Variants in BAZ2B observed in about 807,000 individuals in gnomAD.
BAZ2B encodes the protein bromodomain adjacent to zinc finger domain protein 2B.
A neutral mutation model predicts 246.0 loss-of-function variants in BAZ2B; 91 were observed. The ratio of observed to expected loss-of-function variants is 0.37; its 90% confidence interval spans 0.31 to 0.44. The LOEUF (loss-of-function observed/expected upper bound fraction) is 0.44, where lower values mean the gene tolerates loss of function less well. BAZ2B is among the 20% of genes least tolerant of loss of function. The probability of loss-of-function intolerance (pLI) is 1.00; values close to 1 mark genes in which losing one functional copy is unlikely to be tolerated. For synonymous variants in BAZ2B, 855 were observed against 860.0 expected, an observed-to-expected ratio of 0.99 and a Z score of 0.10; for missense variants, 2,332 against 2,533.7, an observed-to-expected ratio of 0.92 and a Z score of 1.71.
At chr2:159,592,619 C>T (rs2151709383) in intron 1 of BAZ2B, among the ~76,000 whole-genome samples, 1 of 152,350 alleles carries the variant, frequency 6.6e-6, no homozygotes, top group South Asian at 2.1e-4. Context: ...ATGTCAGACA[C>T]AGCACCATGG....
chr2:159,483,993 G>A (rs548161606), intron 2 of BAZ2B, among the ~76,000 whole-genome samples: 17 of 152,248 alleles, frequency 1.1e-4, no homozygotes, highest in African/African-American at 3.9e-4. Flanking sequence ...GTAGCCTAAA[G>A]CAGTGATTTT....
intron 31 of BAZ2B, among the ~76,000 whole-genome samples, chr2:159,343,759 G>A (rs895137986): frequency 7.9e-5 from 12 of 152,178 alleles, no homozygotes; most frequent in African/African-American, 2.7e-4. Flanking sequence ...GGGCGCCGTG[G>A]CTCACATCTG....
Position 159,550,047 on chromosome 2 carries a change from A to C in BAZ2B, c.-3+5776T>G, listed in dbSNP as rs576917529. Among the ~76,000 whole-genome samples, 6 of 151,428 alleles carry C rather than the reference A, an allele frequency of 4.0e-5. No homozygotes were observed. The South Asian group carries it at 1.3e-3, about 32-fold the overall frequency. On this transcript the variant is annotated intron_variant, in intron 2 of 36. Transcript: ENST00000392783. ...CCATGTCGGCCAAGCTGGTCTCAAA[A>C]CTCCAGACAAGTGATCTGCCCACCT...
At chr2:159,509,487 G>C (rs930368669) in intron 2 of BAZ2B, among the ~76,000 whole-genome samples, 1 of 152,104 alleles carries the variant, frequency 6.6e-6, no homozygotes, top group South Asian at 2.1e-4. Context: ...TAACACATAT[G>C]GCTTTTTTCC....
chr2:159,535,774 A>G (rs569680606), intron 2 of BAZ2B, among the ~76,000 whole-genome samples: 1 of 152,322 alleles, frequency 6.6e-6, no homozygotes, highest in African/African-American at 2.4e-5. Flanking sequence ...ACATTTTACT[A>G]AAATAAAATC....
the BAZ2B span, among the ~76,000 whole-genome samples, chr2:159,686,386 C>G: frequency 6.6e-6 from 1 of 152,212 alleles, no homozygotes; most frequent in South Asian, 2.1e-4. Flanking sequence ...TACTTTGCCT[C>G]TGCGGTATTA....
chr2:159,473,400 G>C (rs184762951), intron 3 of BAZ2B, among the ~76,000 whole-genome samples: 2 of 152,210 alleles, frequency 1.3e-5, no homozygotes, highest in East Asian at 3.9e-4. Flanking sequence ...TATTTCTGTG[G>C]GATCAGTGGT....
intron 1 of BAZ2B, among the ~76,000 whole-genome samples, chr2:159,559,481 G>A (rs1488899557): frequency 6.6e-6 from 1 of 152,078 alleles, no homozygotes; most frequent in Non-Finnish European, 1.5e-5. Flanking sequence ...TTCTAACTAT[G>A]CATATCTGAA....
chr2:159,551,196 A>G lies in BAZ2B; in HGVS notation c.-3+4627T>C, dbSNP rs188995559. ...TTATTTAAAAGGTTGCCGGCCGGGC[A>G]CGGTGGCTCACGCCTATAATCCCAG... On this transcript the variant is annotated intron_variant, in intron 2 of 36. Coordinates refer to ENST00000392783, the MANE Select transcript of BAZ2B (RefSeq NM_013450.4). Among the ~76,000 whole-genome samples, 1,453 of 152,144 alleles carry G rather than the reference A, an allele frequency of 9.6e-3. 24 individuals are homozygous for G. Among genetic ancestry groups the G allele is most frequent in the African/African-American group, 0.029 (1,187 of 41,524 alleles).
the BAZ2B span, among the ~76,000 whole-genome samples, chr2:159,645,696 C>T: frequency 6.6e-6 from 1 of 151,974 alleles, no homozygotes; most frequent in African/African-American, 2.4e-5. Flanking sequence ...AAGCATCAGC[C>T]AGGTTGAAAA....
chr2:159,589,809 A>G (rs1688876916), intron 1 of BAZ2B, among the ~76,000 whole-genome samples: 1 of 152,204 alleles, frequency 6.6e-6, no homozygotes, highest in Non-Finnish European at 1.5e-5. Flanking sequence ...AAATAGTTCT[A>G]AGACCATCAA....
the BAZ2B span, among the ~76,000 whole-genome samples, chr2:159,663,744 C>T: frequency 6.6e-6 from 1 of 151,548 alleles, no homozygotes; most frequent in Admixed American, 6.6e-5. Context: ...GTCTTGAACT[C>T]CTGACCTCGT....
At chr2:159,342,637 A>T (rs907311846) in intron 31 of BAZ2B, among the ~76,000 whole-genome samples, 1 of 152,198 alleles carries the variant, frequency 6.6e-6, no homozygotes, top group African/African-American at 2.4e-5. Flanking sequence ...AGAAATCAAG[A>T]AGGCAATCCC....
intron 1 of BAZ2B, among the ~76,000 whole-genome samples, chr2:159,601,949 TG>T: frequency 6.6e-6 from 1 of 152,308 alleles, no homozygotes; most frequent in African/African-American, 2.4e-5. Context: ...AAATTATCTT[TG>T]TTTGTATATG....
rs777409458 is a variant in BAZ2B, at chr2:159,347,534, C to T, written c.5406G>A (p.Gln1802=). ...CAACTCTCCTTTCTAGATCTTCTACCTGTTGAAGGACACTCAAATCCATTT... is the reference window on the plus strand; with the variant it reads ...CAACTCTCCTTTCTAGATCTTCTACTTGTTGAAGGACACTCAAATCCATTT... ...AMEMDLSVLQ[Q]VEDLERRVAS... is the part of the protein sequence containing the mutation. Residue 1802 remains glutamine (Q), a synonymous_variant, in exon 31 of 37, where the codon CAG becomes CAA. Coordinates refer to ENST00000392783, the MANE Select transcript of BAZ2B (RefSeq NM_013450.4). 3.0e-5 allele frequency: 48 copies of T among 1,613,732 alleles called. No individual in the cohort carries two copies. The Admixed American group carries it at 7.8e-4, about 26-fold the overall frequency.
chr2:159,335,936 G>A (rs1402762520), intron 33 of BAZ2B, among the ~76,000 whole-genome samples: 1 of 152,160 alleles, frequency 6.6e-6, no homozygotes, highest in Non-Finnish European at 1.5e-5. Context: ...TGAGGTGGGC[G>A]GATCACCTGA....
intron 13 of BAZ2B, among the ~76,000 whole-genome samples, chr2:159,420,296 C>T (rs2068506425): frequency 2.0e-5 from 3 of 152,268 alleles, no homozygotes; most frequent in Admixed American, 2.0e-4. Context: ...CACATATTTA[C>T]TGATTAAATG....
intron 11 of BAZ2B, 32 bp downstream of exon 11, chr2:159,429,168 A>G (rs1192107350): frequency 2.1e-6 from 3 of 1,452,838 alleles, no homozygotes; most frequent in African/African-American, 2.8e-5. Flanking sequence ...TATATGGGGG[A>G]AAAAGAAAAA....
chr2:159,575,289 C>A (rs969202539), intron 1 of BAZ2B, among the ~76,000 whole-genome samples: 15 of 151,920 alleles, frequency 9.9e-5, no homozygotes, highest in African/African-American at 3.6e-4. Flanking sequence ...GGCGACAGAG[C>A]AACACTCTGC....
Sources: gnomAD v4.1 joint callset for allele counts (sites outside exome capture counted in the v4.1 genomes callset) on GRCh38, gnomAD v4.1.1 for gene constraint, MANE v1.5 for transcripts, NCBI Gene and HGNC (gene_info 2026-07-23, HGNC 2026-07-21) for gene names.